MORC1: variants seen among roughly 807,000 people sequenced by gnomAD.
MORC1 encodes the protein MORC family CW-type zinc finger 1, also known as MORC family CW-type zinc finger protein 1.
A neutral mutation model predicts 134.9 loss-of-function variants in MORC1; 59 were observed. The observed-to-expected ratio is 0.44, with a 90% CI of 0.35 to 0.54. MORC1 has a LOEUF of 0.54. Ranked by LOEUF, MORC1 falls within the 20% of genes least tolerant of loss-of-function variation. The probability of loss-of-function intolerance (pLI) is 0.00; values close to 1 mark genes in which losing one functional copy is unlikely to be tolerated. For missense variants in MORC1, 947 were observed against 1,134.5 expected (o/e 0.83, Z 2.37); for synonymous variants, 395 against 391.7 (o/e 1.01, Z -0.10).
chr3:109,085,387 T>C (rs1025766845), intron 8 of MORC1, among the ~76,000 whole-genome samples: 2 of 152,106 alleles, frequency 1.3e-5, no homozygotes, highest in South Asian at 2.1e-4. Context: ...ATCCAGAATA[T>C]ATAAGAAGCT....
chr3:109,045,722 G>C (rs955720861), intron 14 of MORC1, among the ~76,000 whole-genome samples: 2 of 152,174 alleles, frequency 1.3e-5, no homozygotes, highest in Non-Finnish European at 2.9e-5. Flanking sequence ...GTGGCATGCG[G>C]TTGTGCTAGT....
At chr3:109,081,488 C>T (rs1950518576) in intron 8 of MORC1, among the ~76,000 whole-genome samples, 2 of 147,496 alleles carry the variant, frequency 1.4e-5, no homozygotes, top group Non-Finnish European at 3.0e-5. Context: ...CAGAGTCTCA[C>T]TCTGTCACCC....
chr3:108,968,244 A>G (rs1441130712), intron 26 of MORC1, among the ~76,000 whole-genome samples: 1 of 152,246 alleles, frequency 6.6e-6, no homozygotes, highest in Non-Finnish European at 1.5e-5. Flanking sequence ...GCAAAATGTT[A>G]TTCAAAAAAT....
intron 8 of MORC1, among the ~76,000 whole-genome samples, chr3:109,072,361 C>T (rs1156856034): frequency 2.0e-5 from 3 of 152,162 alleles, no homozygotes; most frequent in African/African-American, 7.2e-5. Flanking sequence ...TGAAACTGCA[C>T]TTCCTTTCGA....
chr3:109,015,411 T>G (rs1484610621), intron 17 of MORC1, among the ~76,000 whole-genome samples: 1 of 152,190 alleles, frequency 6.6e-6, no homozygotes, highest in Non-Finnish European at 1.5e-5. Flanking sequence ...TTTAGTAAAG[T>G]GCACCATATC....
chr3:109,069,795 CACA>C, intron 8 of MORC1, 38 bp from the exon 9 acceptor site: 10 of 1,566,050 alleles, frequency 6.4e-6, no homozygotes, highest in Non-Finnish European at 8.7e-6. Context: ...ATACAGAGGA[CACA>C]ACAACTACAT....
At chr3:108,973,083 T>C (rs1280006971) in intron 24 of MORC1, among the ~76,000 whole-genome samples, 1 of 152,214 alleles carries the variant, frequency 6.6e-6, no homozygotes, top group Non-Finnish European at 1.5e-5. Context: ...ATTAGACACA[T>C]AATAGATATC....
At chr3:109,086,763 C>T (rs569832190) in intron 8 of MORC1, among the ~76,000 whole-genome samples, 21 of 152,108 alleles carry the variant, frequency 1.4e-4, no homozygotes, top group African/African-American at 5.1e-4. Context: ...ATGCTTGGGA[C>T]AGGCATGTTT....
At chr3:109,059,078 A>G (rs930760078) in intron 12 of MORC1, among the ~76,000 whole-genome samples, 3 of 151,746 alleles carry the variant, frequency 2.0e-5, no homozygotes, top group Non-Finnish European at 4.4e-5. Context: ...ATTTTGATAA[A>G]TGCAAAATTT....
chr3:109,056,061 G>T (rs1020110666), intron 13 of MORC1, among the ~76,000 whole-genome samples: 2 of 152,142 alleles, frequency 1.3e-5, no homozygotes, highest in African/African-American at 4.8e-5. Context: ...CAATGCAGAA[G>T]TGAGCTTAGG....
Position 108,973,890 on chromosome 3 carries a change from C to A in MORC1, c.2478-2488G>T, listed in dbSNP as rs2107410102. The stretch of plus-strand genomic sequence containing the variant: ...GGATTACAGTCGTGAGCCACCGCAC[C>A]CGGCCAATCCAACTATTCTTTATAA... On this transcript the variant is annotated intron_variant, in intron 24 of 27. Transcript: ENST00000232603. 1.3e-5 allele frequency among the ~76,000 whole-genome samples: 2 copies of A among 152,218 alleles called. 1 individual carries two copies. Among genetic ancestry groups the A allele is most frequent in the South Asian group, 4.2e-4 (2 of 4,818 alleles).
At chr3:108,994,092 T>C (rs964312862) in intron 21 of MORC1, among the ~76,000 whole-genome samples, 3 of 152,106 alleles carry the variant, frequency 2.0e-5, no homozygotes, top group African/African-American at 4.8e-5. Context: ...CAGGTACAAC[T>C]GGTAAATGAC....
At chr3:108,990,654 A>G (rs895342154) in intron 21 of MORC1, among the ~76,000 whole-genome samples, 8 of 152,178 alleles carry the variant, frequency 5.3e-5, no homozygotes, top group Non-Finnish European at 1.2e-4. Context: ...CTATTGAATG[A>G]TCCCCCAACT....
intron 14 of MORC1, among the ~76,000 whole-genome samples, chr3:109,040,472 GAAAGAAAGA>G (rs1559912753): frequency 6.9e-6 from 1 of 144,738 alleles, no homozygotes; most frequent in South Asian, 2.2e-4. Flanking sequence ...AAGAAAGAAA[GAAAGAAAGA>G]AAGAAAGGAA....
chr3:108,982,206 C>A (rs946458088), intron 23 of MORC1, among the ~76,000 whole-genome samples: 7 of 152,126 alleles, frequency 4.6e-5, no homozygotes, highest in Non-Finnish European at 8.8e-5. Context: ...CAATGAGATA[C>A]CATCTCACAC....
In MORC1 at chr3:109,099,466, A is replaced by G. The variant is rs1352940557; in HGVS notation, c.315T>C (p.Ser105=). ...AGTCTTTTCCAATTCTCATGGACCC[A>G]CTATATTAAAAATGAAGAACATCAT... is the stretch of plus-strand genomic sequence containing the variant. ...FIGQYGNGLK[S]GSMRIGKDFI... is the part of the protein sequence containing the mutation. Residue 105 remains serine, a splice_region_variant and synonymous_variant, in exon 6 of 28, where the codon AGT becomes AGC. Transcript: ENST00000232603. The G allele has an allele frequency of 6.3e-7, 1 of 1,598,286 alleles. No homozygotes were observed. The highest frequency in any genetic ancestry group is 8.5e-7 in the Non-Finnish European group (1 of 1,174,202).
At chr3:109,033,292 GGAAGGAAGGAAGGAAGGA>G (rs1559907121) in intron 15 of MORC1, among the ~76,000 whole-genome samples, 7 of 36,896 alleles carry the variant, frequency 1.9e-4, no homozygotes, top group Admixed American at 5.2e-4. Context: ...AAAGGAGGAA[GGAAGGAAGGAAGGAAGGA>G]AGGAAGGAAG....
At chr3:109,103,560 G>A (rs1484064030) in intron 4 of MORC1, among the ~76,000 whole-genome samples, 32 of 152,124 alleles carry the variant, frequency 2.1e-4, no homozygotes, top group Non-Finnish European at 4.7e-4. Context: ...GTGACTATTT[G>A]TTTTCCATTC....
At chr3:109,024,652 T>G (rs1949033096) in intron 17 of MORC1, among the ~76,000 whole-genome samples, 1 of 152,172 alleles carries the variant, frequency 6.6e-6, no homozygotes, top group East Asian at 1.9e-4. Context: ...GGTCAATGGA[T>G]AAGTGGTCAT....
Sources: gnomAD v4.1 joint callset for allele counts (sites outside exome capture counted in the v4.1 genomes callset) on GRCh38, gnomAD v4.1.1 for gene constraint, MANE v1.5 for transcripts, NCBI Gene and HGNC (gene_info 2026-07-23, HGNC 2026-07-21) for gene names.